The following UBR4 variants were observed in gnomAD, a reference collection of about 807,000 sequenced individuals.
The protein encoded by UBR4 is ubiquitin protein ligase E3 component n-recognin 4.
In UBR4, 124 loss-of-function variants were observed where a neutral mutation model predicts 575.6. That is an observed-to-expected ratio of 0.22 (90% CI 0.19 to 0.25). UBR4 has a LOEUF of 0.25. Ranked by LOEUF, UBR4 falls within the 10% of genes least tolerant of loss-of-function variation. The pLI is 1.00. For missense variants in UBR4, 4,818 were observed against 6,478.8 expected (o/e 0.74, Z 8.80); for synonymous variants, 2,455 against 2,473.7 (o/e 0.99, Z 0.22).
chr1:19,079,111 C>T (rs555341845), intron 103 of UBR4: 1 of 152,194 alleles, frequency 6.6e-6, no homozygotes, highest in South Asian at 2.1e-4. Context: ...TATTAAAATG[C>T]ATGGGTATAT....
intron 1 of UBR4, among the ~76,000 whole-genome samples, chr1:19,204,674 G>A (rs2092919962): frequency 6.6e-6 from 1 of 152,102 alleles, no homozygotes; most frequent in African/African-American, 2.4e-5. Flanking sequence ...ATGCATTTTG[G>A]GGAAAGATAG....
chr1:19,140,778 G>A lies in UBR4; in HGVS notation c.8593+10C>T. ...GGCCCTGAGCCGTGCTCCTTGCTGT[G>A]GACAGTTACCTGATGCTGTGGTGTC... On this transcript the variant is annotated intron_variant, in intron 58 of 105. Transcript: ENST00000375254. 6.2e-7 allele frequency: 1 copy of A among 1,611,566 alleles called. No individual in the cohort carries two copies. The highest frequency in any genetic ancestry group is 8.5e-7 in the Non-Finnish European group (1 of 1,179,362).
At position 19,129,026 on chromosome 1, in the gene UBR4, C is replaced by A; in HGVS notation, c.8955G>T (p.Leu2985=). 1 of 1,614,016 alleles carries A rather than the reference C, an allele frequency of 6.2e-7. No homozygotes were observed. The part of the protein sequence containing the change: ...LMLLERLLQT[L]PQLRNVGGVR... ...CACCGCCAACGTTTCGTAATTGAGG[C>A]AGGGTCTGCAGTAATCTCTCCAACA... Residue 2985 remains leucine, a synonymous_variant, in exon 61 of 106, where the codon CTG becomes CTT. Transcript: ENST00000375254.
chr1:19,101,151 G>C lies in UBR4; in HGVS notation c.13023+369C>G, dbSNP rs112787406. On this transcript the variant is annotated intron_variant, in intron 88 of 105. Coordinates refer to ENST00000375254, the MANE Select transcript of UBR4 (RefSeq NM_020765.3). ...ACGCTGCATGTGTGCACAAAATACA[G>C]GGCAGCTAAAGAAGGAAGAGAGTAA... Among the ~76,000 whole-genome samples the C allele has an allele frequency of 4.3e-3, 659 of 152,212 alleles. 5 individuals carry two copies. The highest frequency in any genetic ancestry group is 0.017 in the Middle Eastern group (5 of 294).
Position 19,155,657 on chromosome 1 carries a change from C to G in UBR4, c.6084G>C (p.Leu2028=). The change falls in exon 43 of 106, where the codon CTG becomes CTC. Residue 2028 remains leucine, a synonymous_variant. Coordinates refer to ENST00000375254, the MANE Select transcript of UBR4 (RefSeq NM_020765.3). ...AGGTTGGACTCAAGGCATCAACACA[C>G]AGGTCATAAATCTGCAGGATGGAAG... ...VTADFVKIYD[L]CVDALSPTFY... is the part of the protein sequence containing the mutation. The G allele has an allele frequency of 6.2e-7, 1 of 1,614,004 alleles. No individual in the cohort carries two copies. Among genetic ancestry groups the G allele is most frequent in the South Asian group, 1.1e-5 (1 of 91,072 alleles).
Position 19,156,419 on chromosome 1 carries a change from C to T in UBR4, c.5924G>A (p.Cys1975Tyr). The T allele has an allele frequency of 6.2e-7, 1 of 1,610,928 alleles. No individual in the cohort carries two copies. The highest frequency in any genetic ancestry group is 8.5e-7 in the Non-Finnish European group (1 of 1,178,966). ...TGAGCTACTAAAGGTGAGCACATGA[C>T]AGTCCTGGACAATGTTTAAGAAACA... ...DYLAVCGLKD[C>Y]HVLTFSSSGS... Residue 1975 changes from cysteine (C) to tyrosine (Y), a missense_variant, in exon 42 of 106, where the codon TGT (cysteine) becomes TAT (tyrosine). Transcript: ENST00000375254.
rs1218767596 is a variant in UBR4, at chr1:19,092,930, A to T, written c.14112-12T>A. 6.2e-7 allele frequency: 1 copy of T among 1,610,996 alleles called. No individual in the cohort carries two copies. The highest frequency in any genetic ancestry group is 2.2e-5 in the East Asian group (1 of 44,842). On this transcript the variant is annotated splice_polypyrimidine_tract_variant and intron_variant, in intron 96 of 105. Coordinates refer to ENST00000375254, the MANE Select transcript of UBR4 (RefSeq NM_020765.3). ...TGTCGGCATCCAAACTGCAAAGCAA[A>T]GGAAGGCTTATTAGCAGGCCAGGGA... is the stretch of plus-strand genomic sequence containing the variant.
intron 64 of UBR4, 64 bp downstream of exon 64, chr1:19,126,382 C>T (rs1279242947): frequency 4.4e-6 from 7 of 1,596,896 alleles, no homozygotes; most frequent in East Asian, 2.2e-5. Context: ...CTCTGCACCG[C>T]GAGGAAAGAG....
chr1:19,143,365 A>C (rs2084365719), intron 55 of UBR4, among the ~76,000 whole-genome samples: 1 of 152,206 alleles, frequency 6.6e-6, no homozygotes, highest in South Asian at 2.1e-4. Context: ...TTACTTCTAA[A>C]TCAAGCCAAG....
rs779320409 is a variant in UBR4, at chr1:19,177,579, A to C, written c.2519T>G (p.Leu840Trp). The C allele has an allele frequency of 1.7e-5, 27 of 1,614,032 alleles. No homozygotes were observed. Among genetic ancestry groups the C allele is most frequent in the Non-Finnish European group, 2.2e-5 (26 of 1,180,008 alleles). ...CATCTGAGCATCCATGTTGACGCTC[A>C]ACTCCTGGATGATCTGGACAAAAAG... ...LSLFVQIIQE[L>W]SVNMDAQMRF... Residue 840 changes from leucine (L) to tryptophan (W), a missense_variant, in exon 19 of 106, where the codon TTG (leucine) becomes TGG (tryptophan). By Grantham distance (61) the Leu-to-Trp change is moderately conservative. Around this residue, in one of 29 missense-constraint regions of UBR4, gnomAD observed 1,172 missense variants for 1,259.7 expected, o/e 0.93. Coordinates refer to ENST00000375254, the MANE Select transcript of UBR4 (RefSeq NM_020765.3).
At chr1:19,131,446 T>TA (rs1325707845) in intron 60 of UBR4, among the ~76,000 whole-genome samples, 4 of 152,132 alleles carry the variant, frequency 2.6e-5, no homozygotes, top group African/African-American at 9.7e-5. Flanking sequence ...AAGGTTAATT[T>TA]AAAACCACTA....
At chr1:19,203,858 T>C (rs564495648) in intron 1 of UBR4, among the ~76,000 whole-genome samples, 1 of 151,992 alleles carries the variant, frequency 6.6e-6, no homozygotes, top group African/African-American at 2.4e-5. Flanking sequence ...AAGGAGAAAA[T>C]AAAAACCTTT....
At chr1:19,116,994 A>G (rs2080616543) in intron 73 of UBR4, among the ~76,000 whole-genome samples, 1 of 152,184 alleles carries the variant, frequency 6.6e-6, no homozygotes, top group Admixed American at 6.5e-5. Context: ...CTGTTGAGGA[A>G]CTTCCACAGA....
At chr1:19,131,389 T>A (rs984454927) in intron 60 of UBR4, among the ~76,000 whole-genome samples, 6 of 152,098 alleles carry the variant, frequency 3.9e-5, no homozygotes, top group Admixed American at 2.6e-4. Context: ...CCAAAATTTT[T>A]AAAAATAATT....
rs1293373247 is a variant in UBR4, at chr1:19,169,508, G to A, written c.3668C>T (p.Pro1223Leu). The change falls in exon 27 of 106, where the codon CCA becomes CTA. Residue 1223 changes from proline to leucine, a missense_variant. By Grantham distance (98) the Pro-to-Leu change is moderately conservative. This residue lies in a region of UBR4 where 1,172 missense variants were observed against 1,259.7 expected (regional missense o/e 0.93). Transcript: ENST00000375254. ...CTCACACACAGTCTGCACTGACGAT[G>A]GCAAATTCTGAACCAGTGTCGGACC... ...TLGPTLVQNLPSSVQTVCESW... is the reference protein window; with the variant it reads ...TLGPTLVQNLLSSVQTVCESW... The A allele has an allele frequency of 1.2e-6, 2 of 1,613,568 alleles. No homozygotes were observed. The highest frequency in any genetic ancestry group is 1.7e-6 in the Non-Finnish European group (2 of 1,179,894).
At chr1:19,137,332 T>C (rs1367857606) in intron 60 of UBR4, among the ~76,000 whole-genome samples, 1 of 152,106 alleles carries the variant, frequency 6.6e-6, no homozygotes, top group East Asian at 1.9e-4. Context: ...TTACTATTTT[T>C]ACACTAATGT....
chr1:19,104,952 A>G (rs1398717153), intron 85 of UBR4, 96 bp downstream of exon 85: 17 of 1,512,168 alleles, frequency 1.1e-5, no homozygotes, highest in Non-Finnish European at 1.5e-5. Context: ...ATTTCTTCTC[A>G]GCAAAAACAA....
chr1:19,163,694 T>C, intron 34 of UBR4, 70 bp downstream of exon 34: 1 of 1,533,834 alleles, frequency 6.5e-7, no homozygotes, highest in Non-Finnish European at 9.0e-7. Context: ...AACGAGAGAC[T>C]TCCACCTGAC....
intron 29 of UBR4, 101 bp from the exon 30 acceptor site, chr1:19,165,858 G>C: frequency 1.0e-6 from 1 of 997,536 alleles, no homozygotes; most frequent in Admixed American, 2.8e-5. Context: ...GTTTGACCTT[G>C]AGGGCAATGT....
Sources: gnomAD v4.1 joint callset for allele counts (sites outside exome capture counted in the v4.1 genomes callset) on GRCh38, gnomAD v4.1.1 for gene constraint, gnomAD v4.1.1 regional missense constraint, MANE v1.5 for transcripts, NCBI Gene and HGNC (gene_info 2026-07-23, HGNC 2026-07-21) for gene names.